LMO7: variants seen among roughly 807,000 people sequenced by gnomAD.
LMO7 encodes LIM domain only protein 7.
Under a neutral mutation model 206.5 loss-of-function variants are expected in LMO7, and 120 were observed. The ratio of observed to expected loss-of-function variants is 0.58; its 90% confidence interval spans 0.50 to 0.68. LMO7 has a LOEUF of 0.68. Among genes scored for constraint, LMO7 ranks in the 30% least tolerant of loss-of-function variants. The pLI is 0.00. For synonymous variants in LMO7, 706 were observed against 681.5 expected (o/e 1.04, Z -0.56); for missense variants, 1,959 against 1,957.9 (o/e 1.00, Z -0.01).
chr13:75,672,460 C>T (rs550076429), intron 1 of LMO7, among the ~76,000 whole-genome samples: 13 of 152,118 alleles, frequency 8.5e-5, no homozygotes, highest in South Asian at 2.1e-4. Flanking sequence ...AGGCTGGTCT[C>T]GAACTCCCTA....
At chr13:75,716,787 T>A (rs2043567859) in intron 2 of LMO7, among the ~76,000 whole-genome samples, 1 of 152,110 alleles carries the variant, frequency 6.6e-6, no homozygotes, top group Non-Finnish European at 1.5e-5. Flanking sequence ...GAATTATTCC[T>A]CCTTTCCAAA....
intron 4 of LMO7, among the ~76,000 whole-genome samples, chr13:75,779,472 G>C (rs1180752362): frequency 6.6e-6 from 1 of 152,086 alleles, no homozygotes; most frequent in Non-Finnish European, 1.5e-5. Context: ...AATGTATATT[G>C]AACTTGAAAG....
rs188104513 is a variant in LMO7, at chr13:75,783,146, A to T, written c.318-12255A>T. Among the ~76,000 whole-genome samples, 37 of 152,326 alleles carry T rather than the reference A, an allele frequency of 2.4e-4. No individual in the cohort carries two copies. In the East Asian group the frequency reaches 6.4e-3, roughly 26 times the overall value. Reference sequence around the variant, plus strand: ...CACATACAGTATATTTTATGCACAGATGTATTTTACAGCATATACATAACC... The same window carrying T: ...CACATACAGTATATTTTATGCACAGTTGTATTTTACAGCATATACATAACC... On this transcript the variant is annotated intron_variant, in intron 4 of 30. Transcript: ENST00000377534.
intron 1 of LMO7, among the ~76,000 whole-genome samples, chr13:75,661,725 A>C (rs2038624236): frequency 6.6e-6 from 1 of 152,224 alleles, no homozygotes; most frequent in Admixed American, 6.5e-5. Context: ...CACTGGAAGC[A>C]GGTGTTCTTG....
At chr13:75,705,519 CTACA>C (rs1260115994) in intron 1 of LMO7, among the ~76,000 whole-genome samples, 2 of 152,168 alleles carry the variant, frequency 1.3e-5, no homozygotes, top group African/African-American at 4.8e-5. Flanking sequence ...GGCTGTTTGA[CTACA>C]TAGTCATCAC....
intron 26 of LMO7, among the ~76,000 whole-genome samples, chr13:75,848,437 A>G (rs1351988903): frequency 6.7e-6 from 1 of 150,072 alleles, no homozygotes; most frequent in Admixed American, 6.6e-5. Context: ...GCGATTATCT[A>G]TCTATCTATC....
chr13:75,758,526 T>G (rs2047874801), intron 3 of LMO7, among the ~76,000 whole-genome samples: 1 of 152,232 alleles, frequency 6.6e-6, no homozygotes. Context: ...AAAGATATTC[T>G]GCTGTTTTGG....
intron 1 of LMO7, among the ~76,000 whole-genome samples, chr13:75,682,507 G>T (rs1174922641): frequency 6.6e-6 from 1 of 152,146 alleles, no homozygotes; most frequent in Non-Finnish European, 1.5e-5. Flanking sequence ...TTCCATGAGT[G>T]CCAAGGGACA....
At chr13:75,754,381 C>T (rs1476618785) in intron 3 of LMO7, among the ~76,000 whole-genome samples, 1 of 152,128 alleles carries the variant, frequency 6.6e-6, no homozygotes, top group Non-Finnish European at 1.5e-5. Flanking sequence ...TATGGATAGA[C>T]CACAACATGT....
chr13:75,699,350 A>G (rs972047583), intron 1 of LMO7, among the ~76,000 whole-genome samples: 11 of 152,092 alleles, frequency 7.2e-5, no homozygotes, highest in African/African-American at 2.7e-4. Flanking sequence ...GAGGTGTGAC[A>G]ACCAAAACTA....
chr13:75,823,303 C>T (rs920243282), intron 14 of LMO7, among the ~76,000 whole-genome samples: 4 of 152,090 alleles, frequency 2.6e-5, no homozygotes, highest in African/African-American at 4.8e-5. Context: ...AAATTTAATG[C>T]TTAAGATGTT....
chr13:75,823,644 C>G lies in LMO7; in HGVS notation c.2720C>G (p.Pro907Arg). 4 of 1,614,070 alleles carry G rather than the reference C, an allele frequency of 2.5e-6. No individual in the cohort carries two copies. Among genetic ancestry groups the G allele is most frequent in the Non-Finnish European group, 3.4e-6 (4 of 1,179,954 alleles). The change falls in exon 15 of 31, where the codon CCA becomes CGA. Residue 907 changes from proline to arginine, a missense_variant. Transcript: ENST00000377534. ...TPNNVVSTPAPSPDASQLASS... is the reference protein window; with the variant it reads ...TPNNVVSTPARSPDASQLASS... Reference sequence around the variant, plus strand: ...AACAATGTGGTCAGCACCCCTGCACCAAGCCCGGACGCAAGCCAACTGGCT... The same window carrying G: ...AACAATGTGGTCAGCACCCCTGCACGAAGCCCGGACGCAAGCCAACTGGCT...
At chr13:75,714,901 G>A (rs1261077398) in intron 2 of LMO7, among the ~76,000 whole-genome samples, 2 of 151,316 alleles carry the variant, frequency 1.3e-5, no homozygotes, top group East Asian at 1.9e-4. Context: ...AAAAAAAAAA[G>A]CCATCAACCA....
intron 3 of LMO7, among the ~76,000 whole-genome samples, chr13:75,746,443 C>G (rs2046843435): frequency 6.6e-6 from 1 of 152,140 alleles, no homozygotes; most frequent in South Asian, 2.1e-4. Flanking sequence ...GGGCGTGTCC[C>G]CATGGAGAGT....
At chr13:75,626,294 G>A (rs1036455634) in intron 2 of LMO7, among the ~76,000 whole-genome samples, 2 of 151,902 alleles carry the variant, frequency 1.3e-5, no homozygotes, top group Non-Finnish European at 2.9e-5. Flanking sequence ...ACATGGCTGG[G>A]GAGGTCTCAG....
At chr13:75,843,057 T>C (rs1324467670) in intron 25 of LMO7, 141 bp downstream of exon 25, 2 of 639,006 alleles carry the variant, frequency 3.1e-6, no homozygotes, top group African/African-American at 1.8e-5. Context: ...TTGATCTTTG[T>C]ATCAGTTAGC....
intron 5 of LMO7, among the ~76,000 whole-genome samples, chr13:75,796,225 T>C (rs769250176): frequency 6.6e-6 from 1 of 152,224 alleles, no homozygotes; most frequent in East Asian, 1.9e-4. Flanking sequence ...TATCTAAAAA[T>C]GTTGCAGCTT....
At chr13:75,709,585 A>G (rs2042921939) in intron 1 of LMO7, among the ~76,000 whole-genome samples, 1 of 152,228 alleles carries the variant, frequency 6.6e-6, no homozygotes, top group Non-Finnish European at 1.5e-5. Flanking sequence ...TTTTGGCTGC[A>G]TAAATGTCTT....
chr13:75,670,966 CTTTT>C (rs552236505), intron 1 of LMO7, among the ~76,000 whole-genome samples: 2 of 100,068 alleles, frequency 2.0e-5, no homozygotes, highest in Admixed American at 2.2e-4. Flanking sequence ...ATGTTTAAAA[CTTTT>C]TTTTTTTTTT....
Sources: allele counts gnomAD v4.1 joint callset (sites outside exome capture counted in the v4.1 genomes callset), GRCh38; gene constraint gnomAD v4.1.1; transcripts MANE v1.5; gene names NCBI Gene and HGNC (gene_info 2026-07-23, HGNC 2026-07-21).